Variants in TLK2 observed in about 807,000 individuals in gnomAD.
TLK2 encodes the protein serine/threonine-protein kinase tousled-like 2.
TLK2 carries 6 observed loss-of-function variants against 117.3 expected under a neutral mutation model. The observed-to-expected ratio is 0.05, with a 90% CI of 0.03 to 0.10. TLK2 has a LOEUF of 0.10. Among genes scored for constraint, TLK2 ranks in the 10% least tolerant of loss-of-function variants. The probability of loss-of-function intolerance (pLI) is 1.00; values close to 1 mark genes in which losing one functional copy is unlikely to be tolerated. For synonymous variants in TLK2, 257 were observed against 316.7 expected (o/e 0.81, Z 2.00); for missense variants, 299 against 901.2 (o/e 0.33, Z 8.56).
intron 16 of TLK2, among the ~76,000 whole-genome samples, chr17:62,594,835 A>G (rs1039604308): frequency 2.0e-5 from 3 of 149,014 alleles, no homozygotes; most frequent in Non-Finnish European, 4.5e-5. Flanking sequence ...CACACACCCC[A>G]TGTGGGTATG....
chr17:62,602,992 G>A (rs1568007806), intron 19 of TLK2, among the ~76,000 whole-genome samples: 1 of 152,088 alleles, frequency 6.6e-6, no homozygotes, highest in Non-Finnish European at 1.5e-5. Flanking sequence ...CCAAATACAA[G>A]TCTCTCTTCC....
chr17:62,487,614 A>G (rs931214970), intron 2 of TLK2, among the ~76,000 whole-genome samples: 2 of 139,088 alleles, frequency 1.4e-5, no homozygotes, highest in African/African-American at 2.6e-5. Context: ...AATCCTTGGC[A>G]AGTATCTTTT....
intron 16 of TLK2, among the ~76,000 whole-genome samples, chr17:62,595,967 A>G (rs571697592): frequency 2.6e-5 from 4 of 152,338 alleles, no homozygotes; most frequent in South Asian, 2.1e-4. Context: ...TTTAAAATCT[A>G]TGATACTTGA....
intron 6 of TLK2, among the ~76,000 whole-genome samples, chr17:62,527,672 T>G (rs2076462204): frequency 6.6e-6 from 1 of 152,142 alleles, no homozygotes; most frequent in African/African-American, 2.4e-5. Context: ...GTGTTATAAG[T>G]TTAATTTTCA....
chr17:62,612,478 C>T lies in TLK2; in HGVS notation c.2166C>T (p.His722=). 6.2e-7 allele frequency: 1 copy of T among 1,614,220 alleles called. No individual in the cohort carries two copies. The highest frequency in any genetic ancestry group is 8.5e-7 in the Non-Finnish European group (1 of 1,180,040). ...CCTGTGATCCCTACTTGTTGCCTCACATCCGAAAGTCAGTCTCTACAAGTA... is the reference window on the plus strand; with the variant it reads ...CCTGTGATCCCTACTTGTTGCCTCATATCCGAAAGTCAGTCTCTACAAGTA... The part of the protein sequence containing the change: ...QLACDPYLLP[H]IRKSVSTSSP... Residue 722 remains histidine, a synonymous_variant, in exon 22 of 22, where the codon CAC becomes CAT. Transcript: ENST00000346027.
chr17:62,529,533 T>C (rs2076599179), intron 6 of TLK2, among the ~76,000 whole-genome samples: 3 of 152,230 alleles, frequency 2.0e-5, no homozygotes. Flanking sequence ...TGAGCCTGGC[T>C]GAAGCCCTTT....
In TLK2 at chr17:62,613,665, A is replaced by G. The variant is rs2083939558; in HGVS notation, c.*1100A>G. On this transcript the variant is annotated 3_prime_UTR_variant, in exon 22 of 22. Coordinates refer to ENST00000346027, the MANE Select transcript of TLK2 (RefSeq NM_006852.6). ...CGTTATTAAAACTTGATCAGCACAT[A>G]AGCTTTCTTCTGTTAGATCTTTTGG... The G allele has an allele frequency of 6.6e-6, 1 of 152,152 alleles. No individual in the cohort carries two copies. The highest frequency in any genetic ancestry group is 1.5e-5 in the Non-Finnish European group (1 of 68,054). 9.4% of individuals were successfully genotyped at this position (152,152 alleles called of 1,614,324 possible). A position where few individuals can be genotyped will look rare whatever the true frequency, so the allele number is the denominator to read the frequency against.
chr17:62,606,259 T>C lies in TLK2; in HGVS notation c.1971+18T>C, dbSNP rs2083292310. On this transcript the variant is annotated intron_variant, in intron 20 of 21. Coordinates refer to ENST00000346027, the MANE Select transcript of TLK2 (RefSeq NM_006852.6). ...GAAGGAAGGTAAGTTAGAAGGTTGA[T>C]GGAGAAGCTTGATCTCTTTCTTGGG... 1 of 1,511,016 alleles carries C rather than the reference T, an allele frequency of 6.6e-7. No homozygotes were observed. Among genetic ancestry groups the C allele is most frequent in the Non-Finnish European group, 9.1e-7 (1 of 1,098,142 alleles). The allele number at this position is 1,511,016 out of a possible 1,614,324, so 93.6% of individuals were successfully genotyped here.
intron 6 of TLK2, among the ~76,000 whole-genome samples, chr17:62,532,332 T>C (rs145003477): frequency 1.2e-3 from 185 of 152,284 alleles, no homozygotes; most frequent in African/African-American, 4.3e-3. Context: ...CAGGTATTTA[T>C]TGAATATATG....
intron 7 of TLK2, among the ~76,000 whole-genome samples, chr17:62,549,157 G>T (rs1353543794): frequency 6.7e-6 from 1 of 148,554 alleles, no homozygotes; most frequent in Non-Finnish European, 1.5e-5. Flanking sequence ...ACTTTGGGAG[G>T]CCGAGGTGGG....
chr17:62,545,090 G>A (rs1463543038), intron 7 of TLK2, among the ~76,000 whole-genome samples: 3 of 152,040 alleles, frequency 2.0e-5, no homozygotes, highest in Admixed American at 6.6e-5. Flanking sequence ...GCAGTGGTGC[G>A]ATCTCAGCTC....
At chr17:62,531,766 T>G (rs2076757131) in intron 6 of TLK2, among the ~76,000 whole-genome samples, 1 of 152,244 alleles carries the variant, frequency 6.6e-6, no homozygotes, top group Non-Finnish European at 1.5e-5. Flanking sequence ...GTTTATTTTG[T>G]TTGCTTATTT....
chr17:62,572,187 A>T (rs1372782113), intron 11 of TLK2, among the ~76,000 whole-genome samples: 2 of 152,092 alleles, frequency 1.3e-5, no homozygotes, highest in Non-Finnish European at 2.9e-5. Context: ...AAAAAAAAAA[A>T]AAAAAAAGAT....
chr17:62,531,612 A>T (rs570060378), intron 6 of TLK2, among the ~76,000 whole-genome samples: 1 of 150,762 alleles, frequency 6.6e-6, no homozygotes, highest in South Asian at 2.1e-4. Context: ...TTCTTGAAAA[A>T]TTTTTTGGGG....
Position 62,498,037 on chromosome 17 carries a change from T to G in TLK2, c.81+16831T>G, listed in dbSNP as rs62076073. 1.9e-3 allele frequency among the ~76,000 whole-genome samples: 295 copies of G among 152,254 alleles called. 1 individual carries two copies. The highest frequency in any genetic ancestry group is 2.9e-3 in the Non-Finnish European group (197 of 68,024). On this transcript the variant is annotated intron_variant, in intron 2 of 21. Transcript: ENST00000346027. The stretch of plus-strand genomic sequence containing the variant: ...CTAGATTGTGTCAGTGAAAAATAAT[T>G]CAGAAACCCTCATTATTACCTCTTG...
upstream of TLK2, among the ~76,000 whole-genome samples, chr17:62,477,144 T>C (rs2071074269): frequency 6.6e-6 from 1 of 152,180 alleles, no homozygotes; most frequent in Non-Finnish European, 1.5e-5. Flanking sequence ...AGTTGCTTTC[T>C]TGATCGTTGG....
intron 9 of TLK2, among the ~76,000 whole-genome samples, chr17:62,559,069 A>C (rs2079061391): frequency 1.3e-5 from 2 of 152,142 alleles, no homozygotes; most frequent in South Asian, 4.1e-4. Flanking sequence ...TCCTTGGGTT[A>C]GTGGTTCTTT....
At chr17:62,561,301 GTC>G in intron 10 of TLK2, among the ~76,000 whole-genome samples, 1 of 152,348 alleles carries the variant, frequency 6.6e-6, no homozygotes, top group East Asian at 1.9e-4. Context: ...ATGTGCATGT[GTC>G]TTTATAGCAG....
At chr17:62,561,425 T>C (rs1352990443) in intron 10 of TLK2, among the ~76,000 whole-genome samples, 2 of 152,262 alleles carry the variant, frequency 1.3e-5, no homozygotes, top group South Asian at 4.1e-4. Flanking sequence ...TTGGCCAGGC[T>C]GGGCTTGAAC....
Sources: gnomAD v4.1 joint callset for allele counts (sites outside exome capture counted in the v4.1 genomes callset) on GRCh38, gnomAD v4.1.1 for gene constraint, MANE v1.5 for transcripts, NCBI Gene and HGNC (gene_info 2026-07-23, HGNC 2026-07-21) for gene names.